The following NMD3 variants were observed in gnomAD, a reference collection of about 807,000 sequenced individuals.
The protein encoded by NMD3 is NMD3 ribosome export adaptor, also known as 60S ribosomal export protein NMD3.
NMD3 carries 47 observed loss-of-function variants against 73.1 expected under a neutral mutation model. The ratio of observed to expected loss-of-function variants is 0.64; its 90% CI spans 0.51 to 0.82. The LOEUF (loss-of-function observed/expected upper bound fraction) is 0.82, where lower values mean the gene tolerates loss of function less well. Among genes scored for constraint, NMD3 ranks in the 40% least tolerant of loss-of-function variants. The pLI is 0.00. For synonymous variants in NMD3, 210 were observed against 194.5 expected, an observed-to-expected ratio of 1.08 and a Z score of -0.66; for missense variants, 554 against 612.5, an observed-to-expected ratio of 0.90 and a Z score of 1.01.
In NMD3 at chr3:161,225,056, A is replaced by G. The variant is rs756342166; in HGVS notation, c.171A>G (p.Gln57=). The change falls in exon 3 of 16, where the codon CAA becomes CAG. Residue 57 remains glutamine (Q), a synonymous_variant. Coordinates refer to ENST00000351193, the MANE Select transcript of NMD3 (RefSeq NM_015938.5). ...PKQVSISFCK[Q]CQRYFQPPGT... ...AAGTCTCGATTTCGTTCTGCAAACAATGTCAAAGGTACAGTGCGGTACAAT... is the reference window on the plus strand; with the variant it reads ...AAGTCTCGATTTCGTTCTGCAAACAGTGTCAAAGGTACAGTGCGGTACAAT... 6.2e-7 allele frequency: 1 copy of G among 1,613,722 alleles called. No homozygotes were observed. Among genetic ancestry groups the G allele is most frequent in the Non-Finnish European group, 8.5e-7 (1 of 1,179,954 alleles).
intron 2 of NMD3, among the ~76,000 whole-genome samples, chr3:161,223,495 G>A (rs1177107974): frequency 1.2e-5 from 1 of 85,154 alleles, no homozygotes; most frequent in Non-Finnish European, 2.0e-5. Context: ...CAGTCCTTAT[G>A]CTTTTTTTTT....
intron 10 of NMD3, among the ~76,000 whole-genome samples, chr3:161,241,774 G>A (rs1393454920): frequency 6.6e-6 from 1 of 152,072 alleles, no homozygotes; most frequent in Non-Finnish European, 1.5e-5. Flanking sequence ...TAAGTCCATT[G>A]CCAAAATTTG....
At position 161,233,436 on chromosome 3, in the gene NMD3, C is replaced by T. The variant is rs780528559; in HGVS notation, c.314C>T (p.Pro105Leu). The change falls in exon 5 of 16, where the codon CCT becomes CTT. Residue 105 changes from proline to leucine, a missense_variant. Transcript: ENST00000351193. ...LVDAGFVWTE[P>L]HSKRLKVKLT... ...GATGCAGGCTTTGTTTGGACTGAGC[C>T]TCATTCTAAGAGACTTAAAGTTAAA... 1 of 1,609,446 alleles carries T rather than the reference C, an allele frequency of 6.2e-7. No individual in the cohort carries two copies. The highest frequency in any genetic ancestry group is 8.5e-7 in the Non-Finnish European group (1 of 1,177,456).
intron 7 of NMD3, 35 bp downstream of exon 7, chr3:161,235,247 C>A: frequency 9.7e-7 from 1 of 1,028,562 alleles, no homozygotes; most frequent in South Asian, 1.5e-5. Flanking sequence ...GAAATTATGT[C>A]AGATTTTTAT....
chr3:161,231,654 G>A (rs1421434691), intron 4 of NMD3, among the ~76,000 whole-genome samples: 1 of 152,134 alleles, frequency 6.6e-6, no homozygotes, highest in Non-Finnish European at 1.5e-5. Flanking sequence ...AAGGAGAATG[G>A]TCTGTAATTA....
rs4613467 is a variant in NMD3 at position 161,232,674 on chromosome 3, G to A, written c.277-725G>A. Among the ~76,000 whole-genome samples, 627 of 152,004 alleles carry A rather than the reference G, an allele frequency of 4.1e-3. 6 individuals carry two copies. The highest frequency in any genetic ancestry group is 0.014 in the African/African-American group (597 of 41,436). On this transcript the variant is annotated intron_variant, in intron 4 of 15. Coordinates refer to ENST00000351193, the MANE Select transcript of NMD3 (RefSeq NM_015938.5). Reference sequence around the variant, plus strand: ...ACAGATTTTTTTTCTGCATCACTTGGACTGTGCAGATAAATCTTACAGATT... The same window carrying A: ...ACAGATTTTTTTTCTGCATCACTTGAACTGTGCAGATAAATCTTACAGATT...
chr3:161,244,165 GTGT>G (rs1251998173), intron 11 of NMD3, among the ~76,000 whole-genome samples: 2 of 152,046 alleles, frequency 1.3e-5, no homozygotes, highest in Admixed American at 1.3e-4. Flanking sequence ...TGATCTTGCC[GTGT>G]TGTTTGGGCT....
chr3:161,221,956 CTCTTTTTTTTTTTTT>C, intron 1 of NMD3, 23 bp from the exon 2 acceptor site: 2 of 1,029,930 alleles, frequency 1.9e-6, no homozygotes, highest in South Asian at 3.0e-5. Flanking sequence ...TCCCAACATT[CTCTTTTTTTTTTTTT>C]TTTTTTTTTT....
At chr3:161,252,751 G>T, downstream of NMD3, 1 of 672,072 alleles carries the variant, frequency 1.5e-6, no homozygotes, top group South Asian at 1.6e-5. Flanking sequence ...AAGTCATTAT[G>T]ACCATTTTTT....
rs371987058 is a variant in NMD3 at position 161,234,750 on chromosome 3, A to T, written c.381A>T (p.Gln127His). 9.2e-5 allele frequency: 148 copies of T among 1,612,568 alleles called. No homozygotes were observed. Among genetic ancestry groups the T allele is most frequent in the Non-Finnish European group, 9.9e-5 (117 of 1,179,140 alleles). ...QKEVMNGAIL[Q>H]QVFVVDYVVQ... ...AGGTGATGAATGGTGCTATCCTTCA[A>T]CAAGTGTTTGTGGTGGATTATGTTG... The change falls in exon 6 of 16, where the codon CAA becomes CAT. Residue 127 changes from glutamine to histidine, a missense_variant. Transcript: ENST00000351193.
intron 4 of NMD3, among the ~76,000 whole-genome samples, chr3:161,229,745 G>GAGGAATTACCCATTATAATTGGATGAA (rs1560065934): frequency 1.3e-5 from 2 of 152,150 alleles, no homozygotes; most frequent in African/African-American, 4.8e-5. Flanking sequence ...GAAATAATTG[G>GAGGAATTACCCATTATAATTGGATGAA]GTAATGAGGA....
In NMD3 at chr3:161,230,351, G is replaced by A. The variant is rs1371249783; in HGVS notation, c.276+3008G>A. On this transcript the variant is annotated intron_variant, in intron 4 of 15. Transcript: ENST00000351193. Reference sequence around the variant, plus strand: ...AGAGATCTCACAATATACCCAGACTGGTGTTGAACTCCTGAGCTCAAGCGA... The same window carrying A: ...AGAGATCTCACAATATACCCAGACTAGTGTTGAACTCCTGAGCTCAAGCGA... Among the ~76,000 whole-genome samples, 4 of 152,188 alleles carry A rather than the reference G, an allele frequency of 2.6e-5. 1 individual carries two copies. In the Middle Eastern group the frequency reaches 0.014, roughly 518 times the overall value.
At chr3:161,229,794 TA>T (rs1301454661) in intron 4 of NMD3, among the ~76,000 whole-genome samples, 1 of 151,754 alleles carries the variant, frequency 6.6e-6, no homozygotes, top group Non-Finnish European at 1.5e-5. Flanking sequence ...TGCTAGGAGG[TA>T]GGAGGAAAAC....
Position 161,250,999 on chromosome 3 carries a change from C to A in NMD3, c.*89C>A. 1 of 1,058,634 alleles carries A rather than the reference C, an allele frequency of 9.4e-7. No homozygotes were observed. The highest frequency in any genetic ancestry group is 1.4e-6 in the Non-Finnish European group (1 of 736,842). 65.6% of individuals were successfully genotyped at this position (1,058,634 alleles called of 1,614,324 possible). On this transcript the variant is annotated 3_prime_UTR_variant, in exon 16 of 16. Transcript: ENST00000351193. ...CTCTACTATCTTTGCCTCCAGATTT[C>A]AAGAGGAGAAATTTAGTTTTAAACC...
intron 4 of NMD3, among the ~76,000 whole-genome samples, chr3:161,230,530 A>G (rs539181732): frequency 3.5e-4 from 54 of 152,288 alleles, no homozygotes; most frequent in African/African-American, 1.2e-3. Flanking sequence ...AATTGCAGGG[A>G]GAAGAATAAT....
chr3:161,248,287 C>T (rs145088145), intron 13 of NMD3, among the ~76,000 whole-genome samples: 2 of 151,698 alleles, frequency 1.3e-5, no homozygotes. Flanking sequence ...CTTAGGAGTT[C>T]GAGACCAGCC....
chr3:161,225,654 T>G (rs568754972), intron 3 of NMD3, among the ~76,000 whole-genome samples: 13 of 152,298 alleles, frequency 8.5e-5, no homozygotes, highest in African/African-American at 2.9e-4. Flanking sequence ...ATTAGGCCAT[T>G]GAGTAACACA....
downstream of NMD3, chr3:161,252,701 C>T (rs1737536806): frequency 1.7e-6 from 1 of 590,726 alleles, no homozygotes; most frequent in Middle Eastern, 2.9e-4. Flanking sequence ...ATCAAATGCA[C>T]AAGAACATGA....
chr3:161,232,391 G>T (rs189019252), intron 4 of NMD3, among the ~76,000 whole-genome samples: 1 of 152,200 alleles, frequency 6.6e-6, no homozygotes, highest in Admixed American at 6.5e-5. Flanking sequence ...GTTAACTGCA[G>T]CCCAAATTTT....
Sources: gnomAD v4.1 joint callset for allele counts (sites outside exome capture counted in the v4.1 genomes callset) on GRCh38, gnomAD v4.1.1 for gene constraint, MANE v1.5 for transcripts, NCBI Gene and HGNC (gene_info 2026-07-23, HGNC 2026-07-21) for gene names.